The following TEP1 variants were observed in gnomAD, a reference collection of about 807,000 sequenced individuals.
The protein encoded by TEP1 is telomerase protein component 1.
A neutral mutation model predicts 306.3 loss-of-function variants in TEP1; 241 were observed. The ratio of observed to expected loss-of-function variants is 0.79; its 90% CI spans 0.71 to 0.88. TEP1 has a LOEUF of 0.88. TEP1 is among the 40% of genes least tolerant of loss of function. The pLI, the probability that TEP1 is intolerant of heterozygous loss-of-function variation, is 0.00. For missense variants in TEP1, 3,051 were observed against 3,276.1 expected, an observed-to-expected ratio of 0.93 and a Z score of 1.68; for synonymous variants, 1,289 against 1,305.5, an observed-to-expected ratio of 0.99 and a Z score of 0.27.
At position 20,387,896 on chromosome 14, in the gene TEP1, C is replaced by G; in HGVS notation, c.2684+9G>C. ...CCCAATTCACAAAGGCATAGAAACACAGACTGACCCTTGCTGGGAAACAGG... is the reference window on the plus strand; with the variant it reads ...CCCAATTCACAAAGGCATAGAAACAGAGACTGACCCTTGCTGGGAAACAGG... On this transcript the variant is annotated intron_variant, in intron 18 of 54. Coordinates refer to ENST00000262715, the MANE Select transcript of TEP1 (RefSeq NM_007110.5). The G allele has an allele frequency of 1.3e-6, 2 of 1,593,422 alleles. No individual in the cohort carries two copies. Among genetic ancestry groups the G allele is most frequent in the Non-Finnish European group, 8.5e-7 (1 of 1,173,274 alleles).
rs1884699869 is a variant in TEP1 at position 20,369,579 on chromosome 14, G to A, written c.7424-3C>T. ...GCTGGCACACAAAAATGAGGACTCTGCCATTTTAAGGACAGAATTAGAGCC... is the reference window on the plus strand; with the variant it reads ...GCTGGCACACAAAAATGAGGACTCTACCATTTTAAGGACAGAATTAGAGCC... On this transcript the variant is annotated splice_polypyrimidine_tract_variant and splice_region_variant and intron_variant, in intron 52 of 54. Transcript: ENST00000262715. 3 of 1,614,046 alleles carry A rather than the reference G, an allele frequency of 1.9e-6. No individual in the cohort carries two copies. The highest frequency in any genetic ancestry group is 2.5e-6 in the Non-Finnish European group (3 of 1,179,924).
rs1030872978 is a variant in TEP1 at position 20,366,735 on chromosome 14, G to A, written c.*1702C>T. Reference sequence around the variant, plus strand: ...AGGGTGTAGTGGTATTTCTCCAAGAGAAACCTACCAAACCAGGACAAAATC... The same window carrying A: ...AGGGTGTAGTGGTATTTCTCCAAGAAAAACCTACCAAACCAGGACAAAATC... On this transcript the variant is annotated 3_prime_UTR_variant, in exon 55 of 55. Transcript: ENST00000262715. 2 of 152,144 alleles carry A rather than the reference G, an allele frequency of 1.3e-5. No individual in the cohort carries two copies. The highest frequency in any genetic ancestry group is 6.5e-5 in the Admixed American group (1 of 15,276). The allele number at this position is 152,144 out of a possible 1,614,324, so 9.4% of individuals were successfully genotyped here.
chr14:20,369,374 T>G lies in TEP1; in HGVS notation c.7626A>C (p.Thr2542=), dbSNP rs1884681643. The G allele has an allele frequency of 6.2e-7, 1 of 1,613,894 alleles. No homozygotes were observed. The highest frequency in any genetic ancestry group is 1.7e-5 in the Admixed American group (1 of 60,000). The change falls in exon 53 of 55, where the codon ACA becomes ACC. Residue 2542 remains threonine (T), a synonymous_variant. Coordinates refer to ENST00000262715, the MANE Select transcript of TEP1 (RefSeq NM_007110.5). The part of the protein sequence containing the change: ...DSDASMDSEP[T]PHLKTRQRRK... ...TACGCTGCCGTGTCTTTAGATGTGGTGTTGGCTCACTATCCATGCTGGCAT... is the reference window on the plus strand; with the variant it reads ...TACGCTGCCGTGTCTTTAGATGTGGGGTTGGCTCACTATCCATGCTGGCAT...
Position 20,389,232 on chromosome 14 carries a change from A to C in TEP1, c.2525+6T>G. On this transcript the variant is annotated splice_donor_region_variant and intron_variant, in intron 17 of 54. Coordinates refer to ENST00000262715, the MANE Select transcript of TEP1 (RefSeq NM_007110.5). ...TCCAACCCTTCAGTATCCATTCTGTACTCACTTCAGTATCGCATCAGTACA... is the reference window on the plus strand; with the variant it reads ...TCCAACCCTTCAGTATCCATTCTGTCCTCACTTCAGTATCGCATCAGTACA... 1 of 1,613,634 alleles carries C rather than the reference A, an allele frequency of 6.2e-7. No homozygotes were observed. Among genetic ancestry groups the C allele is most frequent in the Non-Finnish European group, 8.5e-7 (1 of 1,179,628 alleles).
intron 19 of TEP1, 49 bp downstream of exon 19, chr14:20,386,398 T>A (rs1877152094): frequency 6.3e-7 from 1 of 1,576,598 alleles, no homozygotes; most frequent in African/African-American, 1.4e-5. Flanking sequence ...GGTCCACCAC[T>A]CAAGCCCCTC....
intron 12 of TEP1, among the ~76,000 whole-genome samples, chr14:20,394,103 A>G (rs181160505): frequency 6.6e-6 from 1 of 151,990 alleles, no homozygotes; most frequent in African/African-American, 2.4e-5. Flanking sequence ...AAAAAGGGAC[A>G]GGGTCTTCCT....
intron 6 of TEP1, 129 bp downstream of exon 6, chr14:20,403,592 CTA>C: frequency 6.3e-7 from 1 of 1,584,154 alleles, no homozygotes; most frequent in South Asian, 1.2e-5. Context: ...CCCATGAGCT[CTA>C]CCCAGCTCCC....
chr14:20,375,637 T>C (rs1226300268), intron 43 of TEP1, 118 bp downstream of exon 43: 3 of 643,554 alleles, frequency 4.7e-6, no homozygotes, highest in Non-Finnish European at 2.8e-6. Context: ...CATATCAAGT[T>C]TGACAAATAT....
rs1884473489 is a variant in TEP1, at chr14:20,366,336, G to A, written c.*2101C>T. 6.6e-6 allele frequency: 1 copy of A among 152,194 alleles called. No homozygotes were observed. Among genetic ancestry groups the A allele is most frequent in the Non-Finnish European group, 1.5e-5 (1 of 68,040 alleles). 9.4% of individuals were successfully genotyped at this position (152,194 alleles called of 1,614,324 possible). A position where few individuals can be genotyped will look rare whatever the true frequency, so the allele number is the denominator to read the frequency against. ...CTCCTGCAATTGGCCCAAGATTTTA[G>A]GGGAGCAAAAGGCAAAAGATTGAAA... On this transcript the variant is annotated 3_prime_UTR_variant, in exon 55 of 55. Coordinates refer to ENST00000262715, the MANE Select transcript of TEP1 (RefSeq NM_007110.5).
chr14:20,368,997 T>G, intron 53 of TEP1, 95 bp from the exon 54 acceptor site: 1 of 820,550 alleles, frequency 1.2e-6, no homozygotes, highest in Non-Finnish European at 1.9e-6. Context: ...ACAGCCCTCC[T>G]CCCTTAGTAT....
rs751723561 is a variant in TEP1, at chr14:20,372,862, TG to T, written c.6952-6del. The T allele has an allele frequency of 6.2e-7, 1 of 1,614,068 alleles. No individual in the cohort carries two copies. The highest frequency in any genetic ancestry group is 8.5e-7 in the Non-Finnish European group (1 of 1,180,048). On this transcript the variant is annotated splice_region_variant and splice_polypyrimidine_tract_variant and intron_variant, in intron 48 of 54. Transcript: ENST00000262715. ...AGCACCAATGTGGCCTGGAGCCTGG[TG>T]TACACAACAAGTTCAATTCAGTGCT...
chr14:20,371,349 A>G (rs1185599824), intron 50 of TEP1, 35 bp from the exon 51 acceptor site: 1 of 1,606,248 alleles, frequency 6.2e-7, no homozygotes, highest in Non-Finnish European at 8.5e-7. Context: ...TGAGCTCAGG[A>G]TTTAAAGAGA....
intron 1 of TEP1, among the ~76,000 whole-genome samples, chr14:20,411,899 G>A (rs985800487): frequency 5.9e-5 from 9 of 151,828 alleles, no homozygotes; most frequent in African/African-American, 1.9e-4. Context: ...AATCACTTGA[G>A]GTCAGGAGTT....
rs767790509 is a variant in TEP1, at chr14:20,378,868, T to C, written c.5253-15A>G. On this transcript the variant is annotated splice_polypyrimidine_tract_variant and intron_variant, in intron 36 of 54. Coordinates refer to ENST00000262715, the MANE Select transcript of TEP1 (RefSeq NM_007110.5). Reference sequence around the variant, plus strand: ...TCTGCAGCACCCTATCCCAGGAAGATGAAGTCAGTCCTCTGGACCCTGGCC... The same window carrying C: ...TCTGCAGCACCCTATCCCAGGAAGACGAAGTCAGTCCTCTGGACCCTGGCC... 8 of 1,614,084 alleles carry C rather than the reference T, an allele frequency of 5.0e-6. No homozygotes were observed. The highest frequency in any genetic ancestry group is 4.4e-5 in the South Asian group (4 of 91,076).
At position 20,381,730 on chromosome 14, in the gene TEP1, G is replaced by T; in HGVS notation, c.4425-44C>A. On this transcript the variant is annotated intron_variant, in intron 30 of 54. Coordinates refer to ENST00000262715, the MANE Select transcript of TEP1 (RefSeq NM_007110.5). This position sits in a 1 kb window ranked among gnomAD's most constrained non-coding sequence, Gnocchi z 4.0. ...GGGAGAGAGAAGAAGGAAGAGGCCT[G>T]TCAGTGAGCTTCCTGGCACACAGTG... 6.4e-7 allele frequency: 1 copy of T among 1,551,454 alleles called. No individual in the cohort carries two copies. The highest frequency in any genetic ancestry group is 8.7e-7 in the Non-Finnish European group (1 of 1,151,916).
chr14:20,386,497 G>T lies in TEP1; in HGVS notation c.2811C>A (p.His937Gln), dbSNP rs150794249. Residue 937 changes from histidine (H) to glutamine (Q), a missense_variant, in exon 19 of 55, where the codon CAC (histidine) becomes CAA (glutamine). Transcript: ENST00000262715. ...TGACGCCCCAGCGGAGGTCGATTCC[G>T]TGAAGGCTGATACGGTGAGGGGCCG... ...ARAAPHRISL[H>Q]GIDLRWGVTE... The T allele has an allele frequency of 3.1e-6, 5 of 1,612,276 alleles. No homozygotes were observed. The highest frequency in any genetic ancestry group is 4.2e-6 in the Non-Finnish European group (5 of 1,179,240).
chr14:20,383,089 AG>A (rs1876737130), intron 27 of TEP1, 84 bp downstream of exon 27: 1 of 1,427,580 alleles, frequency 7.0e-7, no homozygotes. Flanking sequence ...GGTCTGTGCA[AG>A]GCAGCTAGCG....
intron 12 of TEP1, 84 bp downstream of exon 12, chr14:20,395,366 C>G: frequency 7.2e-7 from 1 of 1,382,174 alleles, no homozygotes; most frequent in Non-Finnish European, 9.7e-7. Flanking sequence ...TACAGAAAAA[C>G]AGTTGGGATT....
rs1300564555 is a variant in TEP1, at chr14:20,377,661, A to C, written c.5814T>G (p.Asp1938Glu). 2.5e-6 allele frequency: 4 copies of C among 1,613,944 alleles called. No individual in the cohort carries two copies. Among genetic ancestry groups the C allele is most frequent in the Non-Finnish European group, 3.4e-6 (4 of 1,180,014 alleles). The change falls in exon 40 of 55, where the codon GAT (aspartate) becomes GAG (glutamate). Residue 1938 changes from aspartate (D) to glutamate (E), a missense_variant. Physicochemically the swap from Asp to Glu is conservative, Grantham distance 45 (BLOSUM62 2). Around this residue, in one of 3 missense-constraint regions of TEP1, gnomAD observed 1,540 missense variants for 1,705.9 expected, o/e 0.90. Transcript: ENST00000262715. ...SPALSVALSP[D>E]GDRVAVGYRA... ...GATATCCAACAGCCACCCGATCACCATCTGGGCTGAGTGCCACAGAGAGGG... is the reference window on the plus strand; with the variant it reads ...GATATCCAACAGCCACCCGATCACCCTCTGGGCTGAGTGCCACAGAGAGGG...
Sources: gnomAD v4.1 joint callset for allele counts (sites outside exome capture counted in the v4.1 genomes callset) on GRCh38, gnomAD v4.1.1 for gene constraint, gnomAD v4.1.1 regional missense constraint, Gnocchi (gnomAD v3.1) non-coding constraint, MANE v1.5 for transcripts, NCBI Gene and HGNC (gene_info 2026-07-23, HGNC 2026-07-21) for gene names.